The following CCDC141 variants were observed in gnomAD, a reference collection of about 807,000 sequenced individuals.
The protein encoded by CCDC141 is coiled-coil domain containing 141.
CCDC141 carries 168 observed loss-of-function variants against 181.0 expected under a neutral mutation model. The ratio of observed to expected loss-of-function variants is 0.93; its 90% CI spans 0.82 to 1.05. The LOEUF is 1.05. Ranked by LOEUF, CCDC141 falls within the 50% of genes least tolerant of loss-of-function variation. The pLI, the probability that CCDC141 is intolerant of heterozygous loss-of-function variation, is 0.00. For synonymous variants in CCDC141, 666 were observed against 642.3 expected (o/e 1.04, Z -0.56); for missense variants, 1,902 against 1,788.5 (o/e 1.06, Z -1.14).
At chr2:178,912,192 G>T (rs911425479) in intron 7 of CCDC141, among the ~76,000 whole-genome samples, 1 of 152,084 alleles carries the variant, frequency 6.6e-6, no homozygotes, top group African/African-American at 2.4e-5. Flanking sequence ...TTTAGCAAAA[G>T]AAATCTACCC....
intron 11 of CCDC141, among the ~76,000 whole-genome samples, chr2:178,878,478 A>ATTTTTTT (rs766496516): frequency 1.7e-5 from 2 of 114,626 alleles, no homozygotes; most frequent in African/African-American, 3.5e-5. Context: ...GGCCTGGCTA[A>ATTTTTTT]TTTTTTTTTT....
At chr2:179,041,094 C>T (rs1287410287) in intron 2 of CCDC141, among the ~76,000 whole-genome samples, 1 of 151,246 alleles carries the variant, frequency 6.6e-6, no homozygotes, top group African/African-American at 2.5e-5. Flanking sequence ...TTTGTTGAGA[C>T]AGAGTCTCAC....
intron 2 of CCDC141, among the ~76,000 whole-genome samples, chr2:178,980,881 T>TG (rs1412928108): frequency 6.6e-6 from 1 of 151,950 alleles, no homozygotes; most frequent in Non-Finnish European, 1.5e-5. Flanking sequence ...TAAAGCTGGA[T>TG]GAAAAAAAAG....
intron 4 of CCDC141, among the ~76,000 whole-genome samples, chr2:178,970,667 C>T (rs1337744152): frequency 2.0e-5 from 3 of 152,112 alleles, no homozygotes; most frequent in African/African-American, 7.2e-5. Context: ...CATAAAAATC[C>T]TAGAAGAAAA....
chr2:178,876,166 A>T (rs1018770066), intron 12 of CCDC141: 2 of 152,150 alleles, frequency 1.3e-5, no homozygotes, highest in African/African-American at 4.8e-5. Flanking sequence ...CTCCAAGTAG[A>T]TGAGGGTAGT....
At chr2:178,827,972 G>A (rs549375732), downstream of CCDC141, among the ~76,000 whole-genome samples, 5 of 152,162 alleles carry the variant, frequency 3.3e-5, no homozygotes, top group East Asian at 9.7e-4. Context: ...AATCTCTGGT[G>A]CACCTTGGCT....
chr2:178,886,812 A>G lies in CCDC141; in HGVS notation c.1467T>C (p.Ser489=). 2.0e-6 allele frequency: 3 copies of G among 1,481,788 alleles called. No individual in the cohort carries two copies. The highest frequency in any genetic ancestry group is 2.7e-6 in the Non-Finnish European group (3 of 1,117,002). The allele number at this position is 1,481,788 out of a possible 1,614,324, so 91.8% of individuals were successfully genotyped here. ...AAATCTTCTCTGATTCAGAACGGGT[A>G]GAACCAACATCCATTGCATTAGAAA... ...PVLSNAMDVG[S]TRSESEKILN... Residue 489 remains serine, a synonymous_variant, in exon 10 of 24, where the codon TCT becomes TCC. Coordinates refer to ENST00000443758, the MANE Select transcript of CCDC141 (RefSeq NM_173648.4).
downstream of CCDC141, among the ~76,000 whole-genome samples, chr2:178,827,100 T>C (rs993863727): frequency 1.3e-5 from 2 of 152,158 alleles, no homozygotes; most frequent in African/African-American, 4.8e-5. Flanking sequence ...CTTATTGAGA[T>C]TTTTTTGATC....
intron 21 of CCDC141, among the ~76,000 whole-genome samples, chr2:178,846,349 C>T (rs527950012): frequency 1.3e-5 from 2 of 151,942 alleles, no homozygotes; most frequent in East Asian, 1.9e-4. Context: ...GTGCAAGAGC[C>T]GAGAAGACTT....
chr2:178,956,593 C>T (rs1022066639), intron 5 of CCDC141, among the ~76,000 whole-genome samples: 7 of 152,172 alleles, frequency 4.6e-5, no homozygotes, highest in South Asian at 2.1e-4. Context: ...TTCACCACCA[C>T]GCCCAGCCTA....
In CCDC141 at chr2:178,869,293, C is replaced by T; in HGVS notation, c.2218G>A (p.Glu740Lys). 6.3e-7 allele frequency: 1 copy of T among 1,581,308 alleles called. No individual in the cohort carries two copies. The highest frequency in any genetic ancestry group is 8.5e-7 in the Non-Finnish European group (1 of 1,170,050). The change falls in exon 15 of 24, where the codon GAG becomes AAG. Residue 740 changes from glutamate (E) to lysine (K), a missense_variant. Glu to Lys is a moderately conservative substitution (Grantham distance 56, BLOSUM62 1). Coordinates refer to ENST00000443758, the MANE Select transcript of CCDC141 (RefSeq NM_173648.4). ...MKPQFQQLND[E>K]VQYIMKESEE... ...GATTCTTTCATAATGTACTGAACCT[C>T]ATCATTCAATTGCTAAAACATTGAA...
chr2:179,045,096 G>T (rs2043446759), intron 2 of CCDC141, among the ~76,000 whole-genome samples: 1 of 149,626 alleles, frequency 6.7e-6, no homozygotes, highest in South Asian at 2.1e-4. Context: ...GTGCCATGCT[G>T]GTGCACTGCA....
At chr2:179,032,864 T>C (rs531316627) in intron 2 of CCDC141, among the ~76,000 whole-genome samples, 4 of 152,094 alleles carry the variant, frequency 2.6e-5, no homozygotes, top group East Asian at 3.9e-4. Context: ...GGGCTAATCA[T>C]AGAGTCAGAA....
intron 11 of CCDC141, among the ~76,000 whole-genome samples, chr2:178,881,698 G>A (rs78263914): frequency 0.021 from 3,184 of 152,000 alleles, 112 homozygotes; most frequent in African/African-American, 0.072. Context: ...ATTTGAGCCT[G>A]GGCATCATGA....
intron 2 of CCDC141, among the ~76,000 whole-genome samples, chr2:179,044,479 G>A (rs1199570835): frequency 6.6e-6 from 1 of 152,116 alleles, no homozygotes; most frequent in Non-Finnish European, 1.5e-5. Flanking sequence ...CAGGGTAGGA[G>A]GCAGGAGCTG....
chr2:178,867,799 T>C (rs1008636923), intron 16 of CCDC141, among the ~76,000 whole-genome samples: 37 of 152,156 alleles, frequency 2.4e-4, no homozygotes, highest in Non-Finnish European at 5.1e-4. Flanking sequence ...CTTTAAAAAT[T>C]TTTTTTCATG....
intron 9 of CCDC141, 46 bp from the exon 10 acceptor site, chr2:178,886,917 C>A: frequency 8.3e-7 from 1 of 1,204,040 alleles, no homozygotes; most frequent in South Asian, 2.7e-5. Context: ...TATATTTTTG[C>A]ATATATGTAC....
intron 5 of CCDC141, among the ~76,000 whole-genome samples, chr2:178,949,235 A>G (rs138446711): frequency 2.5e-3 from 378 of 152,292 alleles, no homozygotes; most frequent in African/African-American, 8.7e-3. Context: ...CTGCTGGTAG[A>G]TAAGAATGAA....
At chr2:178,941,299 C>T (rs544410815) in intron 6 of CCDC141, among the ~76,000 whole-genome samples, 2 of 152,310 alleles carry the variant, frequency 1.3e-5, no homozygotes, top group African/African-American at 4.8e-5. Context: ...GAATAAAGCA[C>T]CACTCCCCCT....
Sources: allele counts gnomAD v4.1 joint callset (sites outside exome capture counted in the v4.1 genomes callset), GRCh38; gene constraint gnomAD v4.1.1; transcripts MANE v1.5; gene names NCBI Gene and HGNC (gene_info 2026-07-23, HGNC 2026-07-21).